The following KCNK2 variants were observed in gnomAD, a reference collection of about 807,000 sequenced individuals.
KCNK2 encodes potassium two pore domain channel subfamily K member 2.
In KCNK2, 21 loss-of-function variants were observed where a neutral mutation model predicts 40.5. That is an observed-to-expected ratio of 0.52 (90% CI 0.37 to 0.75). KCNK2 has a LOEUF of 0.75. Ranked by LOEUF, KCNK2 falls within the 30% of genes least tolerant of loss-of-function variation. The pLI, the probability that KCNK2 is intolerant of heterozygous loss-of-function variation, is 0.00. For synonymous variants in KCNK2, 191 were observed against 202.2 expected, an observed-to-expected ratio of 0.94 and a Z score of 0.47; for missense variants, 399 against 531.6, an observed-to-expected ratio of 0.75 and a Z score of 2.45.
intron 1 of KCNK2, among the ~76,000 whole-genome samples, chr1:215,051,608 A>G (rs943963941): frequency 1.3e-5 from 2 of 152,234 alleles, no homozygotes; most frequent in African/African-American, 2.4e-5. Flanking sequence ...ATGCTTGACC[A>G]GAAACCTGGA....
chr1:215,128,095 T>C (rs982164260), intron 3 of KCNK2, among the ~76,000 whole-genome samples: 2 of 152,074 alleles, frequency 1.3e-5, no homozygotes, highest in Non-Finnish European at 2.9e-5. Flanking sequence ...AATGGGAACA[T>C]ATTGGTGCAA....
intron 2 of KCNK2, among the ~76,000 whole-genome samples, chr1:215,095,519 C>T (rs147005737): frequency 8.8e-4 from 134 of 152,240 alleles, no homozygotes; most frequent in Admixed American, 2.5e-3. Context: ...AAGGACCCCT[C>T]TGCCTGTTTC....
intron 5 of KCNK2, among the ~76,000 whole-genome samples, chr1:215,185,773 G>A (rs1430105082): frequency 2.6e-5 from 4 of 152,068 alleles, no homozygotes; most frequent in African/African-American, 4.8e-5. Flanking sequence ...AAACAAAGAC[G>A]TCCCTTCCAT....
intron 1 of KCNK2, among the ~76,000 whole-genome samples, chr1:215,065,385 A>T (rs1658502450): frequency 6.9e-6 from 1 of 144,402 alleles, no homozygotes; most frequent in Non-Finnish European, 1.5e-5. Context: ...CTTGATCTTT[A>T]GCCTTACCCA....
chr1:215,126,268 C>A (rs1002873954), intron 3 of KCNK2, among the ~76,000 whole-genome samples: 1 of 152,052 alleles, frequency 6.6e-6, no homozygotes, highest in Non-Finnish European at 1.5e-5. Context: ...AAAATACATA[C>A]TTTAGCATGC....
intron 3 of KCNK2, among the ~76,000 whole-genome samples, chr1:215,159,526 GA>G (rs1365930428): frequency 1.3e-5 from 2 of 152,072 alleles, no homozygotes; most frequent in Non-Finnish European, 2.9e-5. Context: ...ACCTAAAATA[GA>G]AAAGTACATT....
rs570982223 is a variant in KCNK2, at chr1:215,202,188, G to C, written c.963+7096G>C. 2.6e-5 allele frequency among the ~76,000 whole-genome samples: 4 copies of C among 152,260 alleles called. No individual in the cohort carries two copies. The South Asian group carries it at 8.3e-4, about 32-fold the overall frequency. On this transcript the variant is annotated intron_variant, in intron 6 of 6. Transcript: ENST00000444842. Reference sequence around the variant, plus strand: ...ATAAAATAAAATAGAAGCAGGAAGCGTCACAATGGGCTGTTCAAACTAAGG... The same window carrying C: ...ATAAAATAAAATAGAAGCAGGAAGCCTCACAATGGGCTGTTCAAACTAAGG...
intron 1 of KCNK2, among the ~76,000 whole-genome samples, chr1:215,054,172 A>C (rs1305866687): frequency 1.3e-5 from 2 of 152,252 alleles, no homozygotes; most frequent in East Asian, 1.9e-4. Flanking sequence ...ATGATTAAAG[A>C]AACCTATGAT....
At chr1:215,032,997 C>T (rs1657258379) in intron 1 of KCNK2, among the ~76,000 whole-genome samples, 1 of 151,840 alleles carries the variant, frequency 6.6e-6, no homozygotes, top group Non-Finnish European at 1.5e-5. Context: ...ATGTAGGTTA[C>T]ACTTTTTGTA....
At chr1:215,153,859 C>T (rs1223709931) in intron 3 of KCNK2, among the ~76,000 whole-genome samples, 1 of 151,942 alleles carries the variant, frequency 6.6e-6, no homozygotes, top group African/African-American at 2.4e-5. Flanking sequence ...GTTTTCTGTT[C>T]CCGTGTTAGT....
intron 3 of KCNK2, among the ~76,000 whole-genome samples, chr1:215,133,872 A>T (rs1661779110): frequency 6.6e-6 from 1 of 152,174 alleles, no homozygotes; most frequent in African/African-American, 2.4e-5. Context: ...ACTAGTGATG[A>T]TATGAACTAC....
intron 1 of KCNK2, among the ~76,000 whole-genome samples, chr1:215,053,154 C>T (rs1023914060): frequency 6.6e-6 from 1 of 152,048 alleles, no homozygotes; most frequent in Non-Finnish European, 1.5e-5. Context: ...AGCCATTTAA[C>T]GATGAGTCCG....
chr1:215,142,099 A>C (rs961170333), intron 3 of KCNK2, among the ~76,000 whole-genome samples: 2 of 152,066 alleles, frequency 1.3e-5, no homozygotes, highest in Non-Finnish European at 2.9e-5. Context: ...CTACTCCTTA[A>C]TTACATTGAA....
intron 5 of KCNK2, 35 bp from the exon 6 acceptor site, chr1:215,194,918 T>C (rs773704506): frequency 2.5e-6 from 4 of 1,604,610 alleles, no homozygotes; most frequent in South Asian, 1.1e-5. Context: ...TTTAAGACTA[T>C]GAAGTTATTT....
chr1:215,234,418 T>G (rs1666791864), intron 6 of KCNK2, among the ~76,000 whole-genome samples: 1 of 152,206 alleles, frequency 6.6e-6, no homozygotes, highest in Admixed American at 6.5e-5. Flanking sequence ...GCCTTGCTTC[T>G]TCTACTATAT....
At chr1:215,224,090 A>T (rs2102703612) in intron 6 of KCNK2, among the ~76,000 whole-genome samples, 1 of 152,318 alleles carries the variant, frequency 6.6e-6, no homozygotes, top group Admixed American at 6.5e-5. Flanking sequence ...CAGCATATTG[A>T]AAATGAAACG....
chr1:215,029,324 A>G (rs1472704358), intron 1 of KCNK2, among the ~76,000 whole-genome samples: 2 of 151,432 alleles, frequency 1.3e-5, no homozygotes, highest in South Asian at 2.1e-4. Flanking sequence ...TGTTTCTCCT[A>G]TCCCCATAGT....
Position 215,234,923 on chromosome 1 carries a change from C to G in KCNK2, c.1059C>G (p.Asp353Glu). The G allele has an allele frequency of 6.2e-7, 1 of 1,614,106 alleles. No homozygotes were observed. Among genetic ancestry groups the G allele is most frequent in the Non-Finnish European group, 8.5e-7 (1 of 1,180,012 alleles). The change falls in exon 7 of 7, where the codon GAC becomes GAG. Residue 353 changes from aspartate to glutamate, a missense_variant. Around this residue, in one of 3 missense-constraint regions of KCNK2, gnomAD observed 103 missense variants for 124.3 expected, o/e 0.83. Coordinates refer to ENST00000444842, the MANE Select transcript of KCNK2 (RefSeq NM_001017425.3). Reference sequence around the variant, plus strand: ...GGCGACTGAGTGTGGAGATTTATGACAAGTTCCAGCGGGCCACCTCCATCA... The same window carrying G: ...GGCGACTGAGTGTGGAGATTTATGAGAAGTTCCAGCGGGCCACCTCCATCA... ...TRRRLSVEIY[D>E]KFQRATSIKR... is the part of the protein sequence containing the mutation.
intron 2 of KCNK2, among the ~76,000 whole-genome samples, chr1:215,123,599 C>T (rs1661290508): frequency 6.6e-6 from 1 of 152,086 alleles, no homozygotes; most frequent in Non-Finnish European, 1.5e-5. Flanking sequence ...GTGCCTGTGA[C>T]TTCCTTGAGT....
Sources: allele counts gnomAD v4.1 joint callset (sites outside exome capture counted in the v4.1 genomes callset), GRCh38; gene constraint gnomAD v4.1.1; regional missense constraint gnomAD v4.1.1; transcripts MANE v1.5; gene names NCBI Gene and HGNC (gene_info 2026-07-23, HGNC 2026-07-21).